Variants in STAB2 observed in about 807,000 individuals in gnomAD.
STAB2 encodes the protein stabilin 2.
A neutral mutation model predicts 338.1 loss-of-function variants in STAB2; 288 were observed. That is an observed-to-expected ratio of 0.85 (90% CI 0.77 to 0.94). STAB2 has a LOEUF of 0.94. Ranked by LOEUF, STAB2 falls within the 40% of genes least tolerant of loss-of-function variation. STAB2 has a pLI of 0.00. For synonymous variants in STAB2, 1,202 were observed against 1,193.3 expected, an observed-to-expected ratio of 1.01 and a Z score of -0.15; for missense variants, 3,141 against 3,210.1, an observed-to-expected ratio of 0.98 and a Z score of 0.52.
In STAB2 at chr12:103,590,449, A is replaced by C. The variant is rs75673460; in HGVS notation, c.82-448A>C. Among the ~76,000 whole-genome samples the C allele has an allele frequency of 4.3e-3, 648 of 152,380 alleles. 5 individuals are homozygous for C. The highest frequency in any genetic ancestry group is 0.015 in the African/African-American group (619 of 41,608). Reference sequence around the variant, plus strand: ...ACTGGCACAGTGCTGGCTCCAGAGCAGACATTCCTGTGGAATCAATGATGA... The same window carrying C: ...ACTGGCACAGTGCTGGCTCCAGAGCCGACATTCCTGTGGAATCAATGATGA... On this transcript the variant is annotated intron_variant, in intron 1 of 68. Coordinates refer to ENST00000388887, the MANE Select transcript of STAB2 (RefSeq NM_017564.10).
intron 59 of STAB2, among the ~76,000 whole-genome samples, chr12:103,749,738 G>C (rs1009156656): frequency 2.0e-5 from 3 of 150,894 alleles, no homozygotes; most frequent in Non-Finnish European, 4.4e-5. Context: ...TACTCGGGAG[G>C]CTGAGGCAGG....
At chr12:103,649,140 C>T (rs879767765) in intron 10 of STAB2, among the ~76,000 whole-genome samples, 1 of 152,170 alleles carries the variant, frequency 6.6e-6, no homozygotes, top group East Asian at 1.9e-4. Flanking sequence ...TACAAACTGT[C>T]CCCCTCGTCC....
chr12:103,621,645 C>A (rs531005824), intron 4 of STAB2, among the ~76,000 whole-genome samples: 64 of 152,264 alleles, frequency 4.2e-4, no homozygotes, highest in African/African-American at 1.5e-3. Flanking sequence ...AGCAGGAGAA[C>A]CTGGGAGGCG....
intron 68 of STAB2, 128 bp downstream of exon 68, chr12:103,763,736 G>C: frequency 1.1e-6 from 1 of 911,448 alleles, no homozygotes; most frequent in Non-Finnish European, 1.7e-6. Context: ...CAGGTAACAA[G>C]CCTAAAAGCC....
rs189650535 is a variant in STAB2, at chr12:103,596,188, C to G, written c.331+1678C>G. Among the ~76,000 whole-genome samples the G allele has an allele frequency of 2.1e-4, 32 of 152,316 alleles. 1 individual carries two copies. Among genetic ancestry groups the G allele is most frequent in the Admixed American group, 1.9e-3 (29 of 15,298 alleles). ...GTGCCAAATGTGGTCATGATCATGT[C>G]TAGTTCTCATAGACATTTTGATACA... On this transcript the variant is annotated intron_variant, in intron 3 of 68. Transcript: ENST00000388887.
At chr12:103,692,737 A>G in intron 30 of STAB2, 75 bp from the exon 31 acceptor site, 4 of 1,269,030 alleles carry the variant, frequency 3.2e-6, no homozygotes, top group Non-Finnish European at 4.5e-6. Context: ...CAAAAAGCAG[A>G]AACCCCAGAG....
chr12:103,710,181 A>G (rs1275735668), intron 39 of STAB2, among the ~76,000 whole-genome samples: 2 of 152,118 alleles, frequency 1.3e-5, no homozygotes, highest in Non-Finnish European at 2.9e-5. Context: ...AACTTGACAA[A>G]TTGCTGTGGT....
chr12:103,587,944 A>G (rs1045117024), intron 1 of STAB2, among the ~76,000 whole-genome samples: 7 of 152,194 alleles, frequency 4.6e-5, no homozygotes, highest in Non-Finnish European at 8.8e-5. Flanking sequence ...TCCAGGGTGG[A>G]TATCTCACTA....
intron 31 of STAB2, among the ~76,000 whole-genome samples, chr12:103,693,872 G>T (rs1252174516): frequency 6.6e-6 from 1 of 152,030 alleles, no homozygotes; most frequent in African/African-American, 2.4e-5. Context: ...ATTGTTCTCA[G>T]TTGGGCACGG....
intron 30 of STAB2, among the ~76,000 whole-genome samples, chr12:103,692,363 G>A (rs1006946808): frequency 6.6e-6 from 1 of 150,628 alleles, no homozygotes. Context: ...GAGGTACTAG[G>A]GGTTAGGATT....
chr12:103,626,939 C>T (rs1035062813), intron 5 of STAB2, among the ~76,000 whole-genome samples: 3 of 152,182 alleles, frequency 2.0e-5, no homozygotes, highest in Non-Finnish European at 2.9e-5. Flanking sequence ...TTGCAAAGCC[C>T]GTTTTCTCTA....
intron 4 of STAB2, 47 bp downstream of exon 4, chr12:103,620,600 C>T: frequency 1.4e-6 from 2 of 1,463,640 alleles, no homozygotes; most frequent in South Asian, 1.2e-5. Flanking sequence ...TGCTCCCCAT[C>T]TTCTTACCTG....
chr12:103,629,481 G>A (rs546760488), intron 5 of STAB2, among the ~76,000 whole-genome samples: 13 of 152,268 alleles, frequency 8.5e-5, no homozygotes, highest in Admixed American at 3.9e-4. Flanking sequence ...TCTAGTTGTC[G>A]TAGGGTGCAA....
In STAB2 at chr12:103,746,441, C is replaced by T. The variant is rs951301224; in HGVS notation, c.6137-156C>T. 4.6e-6 allele frequency: 3 copies of T among 652,994 alleles called. No individual in the cohort carries two copies. The African/African-American group carries it at 5.4e-5, about 12-fold the overall frequency. 40.4% of individuals were successfully genotyped at this position (652,994 alleles called of 1,614,324 possible). A position where few individuals can be genotyped will look rare whatever the true frequency, so the allele number is the denominator to read the frequency against. On this transcript the variant is annotated intron_variant, in intron 57 of 68. Coordinates refer to ENST00000388887, the MANE Select transcript of STAB2 (RefSeq NM_017564.10). ...TTCTAGAATCCCAGAATCTCCAAGG[C>T]TAGAAAAGACCTTAGCAAATCACCC...
intron 66 of STAB2, 117 bp downstream of exon 66, chr12:103,761,527 G>A: frequency 2.4e-6 from 2 of 847,408 alleles, no homozygotes; most frequent in Non-Finnish European, 3.7e-6. Context: ...GACTGGAGGA[G>A]CCTCCAGCCT....
At position 103,648,767 on chromosome 12, in the gene STAB2, A is replaced by G. The variant is rs1162448597; in HGVS notation, c.1118A>G (p.Asn373Ser). 6.2e-7 allele frequency: 1 copy of G among 1,614,202 alleles called. No homozygotes were observed. Among genetic ancestry groups the G allele is most frequent in the African/African-American group, 1.3e-5 (1 of 75,060 alleles). The change falls in exon 10 of 69, where the codon AAT becomes AGT. Residue 373 changes from asparagine (N) to serine (S), a missense_variant. Physicochemically the swap from Asn to Ser is conservative, Grantham distance 46. Transcript: ENST00000388887. ...GNIMERLREL[N>S]TEPRGKWQGR... ...ATTATGGAGCGACTCAGAGAATTAAATACTGAACCCAGAGGAAAATGGCAA... is the reference window on the plus strand; with the variant it reads ...ATTATGGAGCGACTCAGAGAATTAAGTACTGAACCCAGAGGAAAATGGCAA...
chr12:103,589,045 C>T lies in STAB2; in HGVS notation c.81+1488C>T, dbSNP rs575108545. On this transcript the variant is annotated intron_variant, in intron 1 of 68. Transcript: ENST00000388887. ...TGACCTTGGGCAAGTCACTGCAACA[C>T]CCCTCACCTCAGTTTTCTTCCAGCT... Among the ~76,000 whole-genome samples the T allele has an allele frequency of 9.2e-5, 14 of 152,294 alleles. No individual in the cohort carries two copies. In the East Asian group the frequency reaches 1.7e-3, roughly 19 times the overall value.
At chr12:103,708,645 A>G (rs1879580997) in intron 39 of STAB2, 109 bp downstream of exon 39, 1 of 1,002,654 alleles carries the variant, frequency 1.0e-6, no homozygotes. Context: ...TCTTCTGGCA[A>G]TAAACATGAT....
intron 9 of STAB2, among the ~76,000 whole-genome samples, chr12:103,641,071 T>C (rs1337506734): frequency 6.6e-6 from 1 of 152,260 alleles, no homozygotes; most frequent in Non-Finnish European, 1.5e-5. Flanking sequence ...ACCATCAGCA[T>C]CTGAGAAAGA....
Sources: gnomAD v4.1 joint callset for allele counts (sites outside exome capture counted in the v4.1 genomes callset) on GRCh38, gnomAD v4.1.1 for gene constraint, MANE v1.5 for transcripts, NCBI Gene and HGNC (gene_info 2026-07-23, HGNC 2026-07-21) for gene names.